The following OSBPL3 variants were observed in gnomAD, a reference collection of about 807,000 sequenced individuals.
OSBPL3 encodes oxysterol-binding protein-related protein 3.
Under a neutral mutation model 120.1 loss-of-function variants are expected in OSBPL3, and 65 were observed. The ratio of observed to expected loss-of-function variants is 0.54; its 90% CI spans 0.44 to 0.67. The LOEUF (loss-of-function observed/expected upper bound fraction) is 0.67. OSBPL3 is among the 30% of genes least tolerant of loss of function. The probability of loss-of-function intolerance (pLI) is 0.00; values close to 1 mark genes in which losing one functional copy is unlikely to be tolerated. For missense variants in OSBPL3, 1,004 were observed against 1,082.1 expected (o/e 0.93, Z 1.01); for synonymous variants, 416 against 402.6 (o/e 1.03, Z -0.40).
chr7:24,942,393 G>A (rs1213247375), intron 1 of OSBPL3, among the ~76,000 whole-genome samples: 2 of 152,176 alleles, frequency 1.3e-5, no homozygotes, highest in Non-Finnish European at 2.9e-5. Context: ...AGCCATGTCT[G>A]TCTGGTGCCT....
In OSBPL3 at chr7:24,852,510, C is replaced by A. The variant is rs568175911; in HGVS notation, c.1152G>T (p.Leu384=). ...AGGCAGACATGTAACTTACGGATGA[C>A]AGGGCGTTCTTCAGACCAATGACCT... ...SAQVIGLKNA[L]SSALAQNTDL... Residue 384 remains leucine, a synonymous_variant, in exon 11 of 23, where the codon CTG becomes CTT. Transcript: ENST00000313367. The surrounding 1 kb of genome is among the most constrained non-coding windows in gnomAD (Gnocchi z 4.1). The A allele has an allele frequency of 4.1e-5, 64 of 1,575,754 alleles. No homozygotes were observed. The Admixed American group carries it at 6.0e-4, about 15-fold the overall frequency.
Position 24,849,980 on chromosome 7 carries a change from T to C in OSBPL3, c.1159-804A>G, listed in dbSNP as rs551755215. ...AAAAAGAAATAAAGAAAGTGTGCTG[T>C]GTGCTGGGAAGTAGGACTTTGTGAA... On this transcript the variant is annotated intron_variant, in intron 11 of 22. Coordinates refer to ENST00000313367, the MANE Select transcript of OSBPL3 (RefSeq NM_015550.4). This position sits in a 1 kb window ranked among gnomAD's most constrained non-coding sequence, Gnocchi z 5.4. Among the ~76,000 whole-genome samples, 2 of 151,924 alleles carry C rather than the reference T, an allele frequency of 1.3e-5. No individual in the cohort carries two copies. Among genetic ancestry groups the C allele is most frequent in the Non-Finnish European group, 2.9e-5 (2 of 67,968 alleles).
At chr7:24,874,953 C>A (rs1191415558) in intron 2 of OSBPL3, among the ~76,000 whole-genome samples, 1 of 152,188 alleles carries the variant, frequency 6.6e-6, no homozygotes, top group Non-Finnish European at 1.5e-5. Flanking sequence ...CTCGGGGACA[C>A]TGTGGAATCC....
chr7:24,957,411 TAG>T (rs1231743658), intron 1 of OSBPL3, among the ~76,000 whole-genome samples: 2 of 152,144 alleles, frequency 1.3e-5, no homozygotes, highest in Non-Finnish European at 1.5e-5. Context: ...CACCTAGGGA[TAG>T]AGAGTATGAA....
intron 10 of OSBPL3, among the ~76,000 whole-genome samples, chr7:24,857,396 G>T (rs1391170667): frequency 2.0e-5 from 3 of 152,106 alleles, no homozygotes; most frequent in African/African-American, 4.8e-5. Flanking sequence ...CACCAAGTTT[G>T]GTCATTTCTG....
intron 1 of OSBPL3, among the ~76,000 whole-genome samples, chr7:24,901,095 T>C (rs1247356550): frequency 6.6e-6 from 1 of 151,128 alleles, no homozygotes; most frequent in Non-Finnish European, 1.5e-5. Flanking sequence ...TTTGGGAGGC[T>C]GAGGCGGGCG....
chr7:24,978,543 T>C (rs568190633), intron 1 of OSBPL3, among the ~76,000 whole-genome samples: 1 of 152,322 alleles, frequency 6.6e-6, no homozygotes, highest in South Asian at 2.1e-4. Context: ...GATGGTCATT[T>C]AGCTTGGATG....
At position 24,834,239 on chromosome 7, in the gene OSBPL3, C is replaced by T; in HGVS notation, c.1746+247G>A. 1 of 1,241,138 alleles carries T rather than the reference C, an allele frequency of 8.1e-7. No homozygotes were observed. The highest frequency in any genetic ancestry group is 1.0e-6 in the Non-Finnish European group (1 of 980,750). The allele number at this position is 1,241,138 out of a possible 1,614,324, so 76.9% of individuals were successfully genotyped here. On this transcript the variant is annotated intron_variant, in intron 15 of 22. Transcript: ENST00000313367. This position sits in a 1 kb window ranked among gnomAD's most constrained non-coding sequence, Gnocchi z 5.2. ...TGGAGAAAGAGGAAGCACAAACCCA[C>T]AGAACAGAACTACCCCAGGCACCAA...
At position 24,854,728 on chromosome 7, in the gene OSBPL3, C is replaced by A. The variant is rs1053596942; in HGVS notation, c.1028-2094G>T. Among the ~76,000 whole-genome samples the A allele has an allele frequency of 6.6e-6, 1 of 152,192 alleles. No individual in the cohort carries two copies. Among genetic ancestry groups the A allele is most frequent in the Non-Finnish European group, 1.5e-5 (1 of 68,034 alleles). On this transcript the variant is annotated intron_variant, in intron 10 of 22. Coordinates refer to ENST00000313367, the MANE Select transcript of OSBPL3 (RefSeq NM_015550.4). This position sits in a 1 kb window ranked among gnomAD's most constrained non-coding sequence, Gnocchi z 4.1. ...ATCAGCCCTGGATTCTTCCCCACTC[C>A]ATCACCTATTAACTCCATGACCTTG...
chr7:24,890,067 A>G (rs1805121203), intron 2 of OSBPL3, among the ~76,000 whole-genome samples: 1 of 152,238 alleles, frequency 6.6e-6, no homozygotes, highest in African/African-American at 2.4e-5. Context: ...CAATCTCTAG[A>G]TGAAGCTCTA....
rs529187014 is a variant in OSBPL3, at chr7:24,946,379, G to C, written c.-150+33507C>G. ...CAGACACAAACCAACTCGTATTTAAGAGAAGGGTACACAGACCTCACCTAT... is the reference window on the plus strand; with the variant it reads ...CAGACACAAACCAACTCGTATTTAACAGAAGGGTACACAGACCTCACCTAT... On this transcript the variant is annotated intron_variant, in intron 1 of 22. Transcript: ENST00000313367. This position sits in a 1 kb window ranked among gnomAD's most constrained non-coding sequence, Gnocchi z 4.3. Among the ~76,000 whole-genome samples the C allele has an allele frequency of 6.6e-6, 1 of 152,216 alleles. No individual in the cohort carries two copies. The highest frequency in any genetic ancestry group is 2.4e-5 in the African/African-American group (1 of 41,548).
At chr7:24,914,575 C>T (rs1161933759) in intron 1 of OSBPL3, among the ~76,000 whole-genome samples, 1 of 151,998 alleles carries the variant, frequency 6.6e-6, no homozygotes. Flanking sequence ...CACATTTCTG[C>T]CTCCTGAAAT....
chr7:24,865,018 T>G (rs887165938), intron 7 of OSBPL3, among the ~76,000 whole-genome samples: 1 of 152,150 alleles, frequency 6.6e-6, no homozygotes, highest in Non-Finnish European at 1.5e-5. Flanking sequence ...TCTAGCACAA[T>G]GATTCTCAAT....
Position 24,820,994 on chromosome 7 carries a change from G to C in OSBPL3, c.1885-756C>G, listed in dbSNP as rs1302037288. Among the ~76,000 whole-genome samples, 1 of 152,202 alleles carries C rather than the reference G, an allele frequency of 6.6e-6. No individual in the cohort carries two copies. Among genetic ancestry groups the C allele is most frequent in the East Asian group, 1.9e-4 (1 of 5,184 alleles). On this transcript the variant is annotated intron_variant, in intron 16 of 22. Transcript: ENST00000313367. The surrounding 1 kb of genome is among the most constrained non-coding windows in gnomAD (Gnocchi z 4.6). ...AAGGGGTCATTACTCATTTTATTCA[G>C]CAGTGAAGAGGCTGAAGAGAAAATG...
chr7:24,960,428 T>C lies in OSBPL3; in HGVS notation c.-150+19458A>G, dbSNP rs560960459. Among the ~76,000 whole-genome samples the C allele has an allele frequency of 1.7e-4, 26 of 152,310 alleles. No homozygotes were observed. In the South Asian group the frequency reaches 5.2e-3, roughly 30 times the overall value. On this transcript the variant is annotated intron_variant, in intron 1 of 22. Coordinates refer to ENST00000313367, the MANE Select transcript of OSBPL3 (RefSeq NM_015550.4). ...GGAAAATAAATTGATGGTGCTAAGC[T>C]AGTCAAGCAGAGCAGAAATAAATGT...
rs1193203397 is a variant in OSBPL3, at chr7:24,959,967, A to C, written c.-150+19919T>G. 1.3e-5 allele frequency among the ~76,000 whole-genome samples: 2 copies of C among 152,240 alleles called. No homozygotes were observed. Among genetic ancestry groups the C allele is most frequent in the Non-Finnish European group, 2.9e-5 (2 of 68,044 alleles). On this transcript the variant is annotated intron_variant, in intron 1 of 22. Transcript: ENST00000313367. This position sits in a 1 kb window ranked among gnomAD's most constrained non-coding sequence, Gnocchi z 4.3. ...GTGAGGTGACCAACAGAGATCAGCT[A>C]CTGAGAGTAGGCAAAGATTGCAGAG...
intron 2 of OSBPL3, among the ~76,000 whole-genome samples, chr7:24,880,038 C>T (rs1803433440): frequency 6.6e-6 from 1 of 152,134 alleles, no homozygotes; most frequent in Non-Finnish European, 1.5e-5. Flanking sequence ...AAACATCCAG[C>T]CCATAAATGT....
intron 14 of OSBPL3, among the ~76,000 whole-genome samples, chr7:24,839,804 T>C (rs56045801): frequency 0.26 from 39,113 of 151,196 alleles, 5,278 homozygotes; most frequent in Admixed American, 0.36. Context: ...GCCTGGGTAA[T>C]ATGGTGAAAC....
chr7:24,977,579 G>A (rs1228939475), intron 1 of OSBPL3, among the ~76,000 whole-genome samples: 2 of 152,082 alleles, frequency 1.3e-5, no homozygotes, highest in African/African-American at 2.4e-5. Flanking sequence ...CTTACGGGCA[G>A]GGCGCGGTGG....
Sources: gnomAD v4.1 joint callset for allele counts (sites outside exome capture counted in the v4.1 genomes callset) on GRCh38, gnomAD v4.1.1 for gene constraint, Gnocchi (gnomAD v3.1) non-coding constraint, MANE v1.5 for transcripts, NCBI Gene and HGNC (gene_info 2026-07-23, HGNC 2026-07-21) for gene names.